Variants in DNAH11 observed in about 807,000 individuals in gnomAD.
The protein encoded by DNAH11 is axonemal beta dynein heavy chain 11.
In DNAH11, 442 loss-of-function variants were observed where a neutral mutation model predicts 526.0. The observed-to-expected ratio is 0.84, with a 90% CI of 0.78 to 0.91. The LOEUF (loss-of-function observed/expected upper bound fraction) is 0.91, where lower values mean the gene tolerates loss of function less well. Among genes scored for constraint, DNAH11 ranks in the 40% least tolerant of loss-of-function variants. The pLI, the probability that DNAH11 is intolerant of heterozygous loss-of-function variation, is 0.00. For synonymous variants in DNAH11, 2,461 were observed against 1,935.9 expected (o/e 1.27, Z -7.12); for missense variants, 6,989 against 5,448.7 (o/e 1.28, Z -8.90).
At chr7:21,814,336 T>A (rs1299198184) in intron 63 of DNAH11, among the ~76,000 whole-genome samples, 2 of 84,434 alleles carry the variant, frequency 2.4e-5, no homozygotes, top group African/African-American at 1.5e-4. Context: ...AAATTTATTT[T>A]ATTTATTTAT....
intron 66 of DNAH11, chr7:21,851,579 G>C: frequency 2.1e-6 from 1 of 471,538 alleles, no homozygotes; most frequent in Non-Finnish European, 4.4e-6. Context: ...CCCATCCTTA[G>C]CCCAGAGCTG....
chr7:21,592,644 C>A (rs1419869963), intron 14 of DNAH11, among the ~76,000 whole-genome samples: 2 of 152,188 alleles, frequency 1.3e-5, no homozygotes, highest in African/African-American at 2.4e-5. Context: ...GGAGACTCTT[C>A]AGAGCCTATG....
chr7:21,883,229 T>C (rs1343922292), intron 75 of DNAH11, among the ~76,000 whole-genome samples: 2 of 152,254 alleles, frequency 1.3e-5, no homozygotes, highest in African/African-American at 2.4e-5. Flanking sequence ...TAATTATAAT[T>C]ATGTTTTTAC....
At chr7:21,603,111 T>A (rs1329251789) in intron 18 of DNAH11, among the ~76,000 whole-genome samples, 1 of 152,200 alleles carries the variant, frequency 6.6e-6, no homozygotes, top group Non-Finnish European at 1.5e-5. Context: ...TCTGCCTTTA[T>A]GGGTTCACTT....
chr7:21,896,591 T>C (rs1321908286), intron 79 of DNAH11, among the ~76,000 whole-genome samples: 3 of 152,266 alleles, frequency 2.0e-5, no homozygotes, highest in African/African-American at 7.2e-5. Flanking sequence ...ATAGCTTTTA[T>C]TCTGAAAAAG....
intron 29 of DNAH11, among the ~76,000 whole-genome samples, chr7:21,657,941 A>G (rs1782085407): frequency 6.6e-6 from 1 of 152,192 alleles, no homozygotes; most frequent in Non-Finnish European, 1.5e-5. Context: ...GGAAGAAGTC[A>G]GTTGTATCAT....
At chr7:21,882,906 A>T (rs1783974850) in intron 75 of DNAH11, among the ~76,000 whole-genome samples, 1 of 152,242 alleles carries the variant, frequency 6.6e-6, no homozygotes, top group Non-Finnish European at 1.5e-5. Context: ...ATAAAAATTA[A>T]AAAGAGATAC....
intron 30 of DNAH11, among the ~76,000 whole-genome samples, chr7:21,670,375 C>T (rs1460008356): frequency 2.6e-5 from 4 of 151,906 alleles, no homozygotes; most frequent in Non-Finnish European, 5.9e-5. Flanking sequence ...TAAATATTCA[C>T]CTTTTATCTT....
chr7:21,857,884 A>C (rs985481836), intron 68 of DNAH11, among the ~76,000 whole-genome samples: 2 of 152,190 alleles, frequency 1.3e-5, no homozygotes, highest in East Asian at 3.8e-4. Context: ...TGGGTTAGGC[A>C]AAGATTTCTT....
In DNAH11 at chr7:21,874,486, C is replaced by G. The variant is rs1389919032; in HGVS notation, c.12195+985C>G. On this transcript the variant is annotated intron_variant, in intron 74 of 81. Coordinates refer to ENST00000409508, the MANE Select transcript of DNAH11 (RefSeq NM_001277115.2). ...AGGTAGCTGGGATTACAGGCGCCCA[C>G]CACCAAGCCCAGCTAACTTTTGTAT... 2.0e-5 allele frequency among the ~76,000 whole-genome samples: 3 copies of G among 152,080 alleles called. No homozygotes were observed. The East Asian group carries it at 5.8e-4, about 30-fold the overall frequency.
At chr7:21,825,662 A>G (rs889753679) in intron 65 of DNAH11, among the ~76,000 whole-genome samples, 11 of 151,628 alleles carry the variant, frequency 7.3e-5, no homozygotes, top group African/African-American at 2.2e-4. Context: ...AATTGAGGGC[A>G]CTCTAAGCTT....
intron 43 of DNAH11, among the ~76,000 whole-genome samples, chr7:21,719,133 C>A (rs1353908050): frequency 6.6e-6 from 1 of 152,102 alleles, no homozygotes; most frequent in Non-Finnish European, 1.5e-5. Context: ...ATGATTTCTG[C>A]TCTACTTCTT....
intron 54 of DNAH11, among the ~76,000 whole-genome samples, chr7:21,763,785 G>A (rs2128497585): frequency 8.4e-6 from 1 of 119,296 alleles, no homozygotes; most frequent in South Asian, 2.7e-4. Context: ...TAGATAATGT[G>A]CTATATATAC....
chr7:21,801,316 G>T, intron 62 of DNAH11, 41 bp downstream of exon 62: 1 of 1,608,432 alleles, frequency 6.2e-7, no homozygotes, highest in South Asian at 1.1e-5. Flanking sequence ...AAAATGTTCA[G>T]ATCAGCTTGT....
rs140325719 is a variant in DNAH11 at position 21,706,500 on chromosome 7, A to T, written c.6546+963A>T. Among the ~76,000 whole-genome samples the T allele has an allele frequency of 4.5e-3, 693 of 152,310 alleles. 5 individuals carry two copies. Among genetic ancestry groups the T allele is most frequent in the African/African-American group, 0.015 (615 of 41,570 alleles). On this transcript the variant is annotated intron_variant, in intron 39 of 81. Coordinates refer to ENST00000409508, the MANE Select transcript of DNAH11 (RefSeq NM_001277115.2). The stretch of plus-strand genomic sequence containing the variant: ...ACATTTTTCTAGTGAAAAATATAAT[A>T]AATGAAATATTAAAGTAGATAACTG...
At chr7:21,876,480 A>T (rs146741796) in intron 74 of DNAH11, among the ~76,000 whole-genome samples, 1 of 152,210 alleles carries the variant, frequency 6.6e-6, no homozygotes. Flanking sequence ...ATATGTTCCC[A>T]TTGCCCTTTT....
intron 36 of DNAH11, among the ~76,000 whole-genome samples, chr7:21,702,235 T>C (rs1238282862): frequency 6.6e-6 from 1 of 152,198 alleles, no homozygotes; most frequent in Non-Finnish European, 1.5e-5. Flanking sequence ...TATTATATTA[T>C]GTGCTGGCAT....
chr7:21,637,666 C>A lies in DNAH11; in HGVS notation c.4781C>A (p.Pro1594His). The A allele has an allele frequency of 6.3e-7, 1 of 1,580,780 alleles. No individual in the cohort carries two copies. The highest frequency in any genetic ancestry group is 8.6e-7 in the Non-Finnish European group (1 of 1,163,164). ...AATGTGTTAGAAGCAACGTGCAGAC[C>A]TAATCTCTATGAAAAACTTAAAGAT... ...VENVLEATCR[P>H]NLYEKLKDLQ... The change falls in exon 27 of 82, where the codon CCT becomes CAT. Residue 1594 changes from proline (P) to histidine (H), a missense_variant. By Grantham distance (77) the Pro-to-His change is moderately conservative. Transcript: ENST00000409508.
chr7:21,807,760 C>G, intron 62 of DNAH11, 123 bp from the exon 63 acceptor site: 3 of 842,360 alleles, frequency 3.6e-6, no homozygotes, highest in Non-Finnish European at 5.2e-6. Context: ...ACCCGTTACA[C>G]TCTGTTCCTT....
Sources: gnomAD v4.1 joint callset for allele counts (sites outside exome capture counted in the v4.1 genomes callset) on GRCh38, gnomAD v4.1.1 for gene constraint, MANE v1.5 for transcripts, NCBI Gene and HGNC (gene_info 2026-07-23, HGNC 2026-07-21) for gene names.